AGAP1: variants seen among roughly 807,000 people sequenced by gnomAD.
The protein encoded by AGAP1 is arf-GAP with GTPase, ANK repeat and PH domain-containing protein 1.
Under a neutral mutation model 105.3 loss-of-function variants are expected in AGAP1, and 29 were observed. That is an observed-to-expected ratio of 0.28 (90% CI 0.21 to 0.38). The LOEUF is 0.38. AGAP1 is among the 10% of genes least tolerant of loss of function. The pLI, the probability that AGAP1 is intolerant of heterozygous loss-of-function variation, is 1.00. For missense variants in AGAP1, 998 were observed against 1,165.1 expected, an observed-to-expected ratio of 0.86 and a Z score of 2.09; for synonymous variants, 509 against 485.9, an observed-to-expected ratio of 1.05 and a Z score of -0.63.
chr2:235,805,631 TC>T (rs1957799815), intron 8 of AGAP1, among the ~76,000 whole-genome samples: 1 of 152,304 alleles, frequency 6.6e-6, no homozygotes, highest in East Asian at 1.9e-4. Flanking sequence ...GCTTTTCTCA[TC>T]AACTGTGATG....
chr2:236,038,783 A>G lies in AGAP1; in HGVS notation c.1801-1968A>G, dbSNP rs2057457896. 6.6e-6 allele frequency among the ~76,000 whole-genome samples: 1 copy of G among 151,258 alleles called. No homozygotes were observed. The highest frequency in any genetic ancestry group is 2.4e-5 in the African/African-American group (1 of 40,904). ...CAAACCAACCAACCACAGAAATGATACAGGTACACAGAGAGACAGAGGCAC... is the reference window on the plus strand; with the variant it reads ...CAAACCAACCAACCACAGAAATGATGCAGGTACACAGAGAGACAGAGGCAC... On this transcript the variant is annotated intron_variant, in intron 14 of 17. Coordinates refer to ENST00000304032, the MANE Select transcript of AGAP1 (RefSeq NM_001037131.3). The surrounding 1 kb of genome is among the most constrained non-coding windows in gnomAD (Gnocchi z 4.5).
intron 1 of AGAP1, among the ~76,000 whole-genome samples, chr2:235,508,677 G>A (rs1330190852): frequency 2.0e-5 from 3 of 152,130 alleles, no homozygotes; most frequent in South Asian, 2.1e-4. Context: ...ATTCACCTGC[G>A]TTTAGGAAAT....
intron 16 of AGAP1, among the ~76,000 whole-genome samples, chr2:236,086,987 T>C (rs113380529): frequency 0.016 from 2,477 of 151,970 alleles, 66 homozygotes; most frequent in African/African-American, 0.057. Flanking sequence ...AAAAAAGTTT[T>C]GGCAAACACT....
chr2:235,948,174 TTTTG>T (rs908226629), intron 12 of AGAP1, among the ~76,000 whole-genome samples: 9 of 152,242 alleles, frequency 5.9e-5, no homozygotes, highest in African/African-American at 2.2e-4. Context: ...CTGGGGTTTT[TTTTG>T]TTTGTTTGTT....
intron 12 of AGAP1, among the ~76,000 whole-genome samples, chr2:235,932,714 TA>T (rs2052779928): frequency 2.0e-5 from 3 of 152,222 alleles, no homozygotes; most frequent in Admixed American, 2.0e-4. Context: ...ACCTGTTTGA[TA>T]AAAACTCACT....
intron 1 of AGAP1, among the ~76,000 whole-genome samples, chr2:235,680,237 T>C (rs1948989381): frequency 6.6e-6 from 1 of 152,222 alleles, no homozygotes; most frequent in African/African-American, 2.4e-5. Context: ...AAATCTGCTT[T>C]GTCCGTGGAA....
At chr2:235,835,883 G>A (rs536031921) in intron 9 of AGAP1, among the ~76,000 whole-genome samples, 8 of 152,342 alleles carry the variant, frequency 5.3e-5, no homozygotes, top group East Asian at 1.9e-4. Context: ...GGCTGTCACC[G>A]TGATTATTAA....
At chr2:235,502,196 G>T (rs558214289) in intron 1 of AGAP1, among the ~76,000 whole-genome samples, 1 of 152,148 alleles carries the variant, frequency 6.6e-6, no homozygotes, top group East Asian at 1.9e-4. Context: ...GGGCTTTTCT[G>T]GTCACAAGAG....
At position 235,879,695 on chromosome 2, in the gene AGAP1, T is replaced by C. The variant is rs13398832; in HGVS notation, c.1051-3650T>C. ...TTACCCCAGCACTTCTGGGAAGCCA[T>C]GGTGGGAGGATTGCTTGAGCCCAGG... On this transcript the variant is annotated intron_variant, in intron 9 of 17. Coordinates refer to ENST00000304032, the MANE Select transcript of AGAP1 (RefSeq NM_001037131.3). The surrounding 1 kb of genome is among the most constrained non-coding windows in gnomAD (Gnocchi z 5.0). Among the ~76,000 whole-genome samples, 4,568 of 151,944 alleles carry C rather than the reference T, an allele frequency of 0.03. 218 individuals are homozygous for C. The highest frequency in any genetic ancestry group is 0.1 in the African/African-American group (4,193 of 41,420).
chr2:235,583,738 G>T (rs1328200911), intron 1 of AGAP1, among the ~76,000 whole-genome samples: 2 of 151,754 alleles, frequency 1.3e-5, no homozygotes, highest in Non-Finnish European at 2.9e-5. Context: ...CTAGCTGGGT[G>T]TGGTGGTGTG....
chr2:235,767,109 A>T (rs913420672), intron 6 of AGAP1, among the ~76,000 whole-genome samples: 2 of 152,048 alleles, frequency 1.3e-5, no homozygotes, highest in South Asian at 2.1e-4. Flanking sequence ...TGGGATTTCG[A>T]CATCTTGGCC....
At chr2:236,069,833 G>A (rs529143082) in intron 16 of AGAP1, among the ~76,000 whole-genome samples, 3 of 152,166 alleles carry the variant, frequency 2.0e-5, no homozygotes, top group Admixed American at 6.5e-5. Context: ...TAGGGGATAG[G>A]GTTCTGATTT....
At chr2:235,636,761 A>T (rs919523083) in intron 1 of AGAP1, among the ~76,000 whole-genome samples, 1 of 152,166 alleles carries the variant, frequency 6.6e-6, no homozygotes, top group African/African-American at 2.4e-5. Context: ...CAGAATGGAA[A>T]TAAGGTCGTC....
In AGAP1 at chr2:236,051,566, G is replaced by T. The variant is rs529333826; in HGVS notation, c.2114+2285G>T. On this transcript the variant is annotated intron_variant, in intron 16 of 17. Coordinates refer to ENST00000304032, the MANE Select transcript of AGAP1 (RefSeq NM_001037131.3). The surrounding 1 kb of genome is among the most constrained non-coding windows in gnomAD (Gnocchi z 5.9). Reference sequence around the variant, plus strand: ...GCAGGCTCGGCCGGGCCTGTGGGGAGGTGTGCCTGTCGGCGAGTACAGCAC... The same window carrying T: ...GCAGGCTCGGCCGGGCCTGTGGGGATGTGTGCCTGTCGGCGAGTACAGCAC... 8.5e-5 allele frequency among the ~76,000 whole-genome samples: 13 copies of T among 152,312 alleles called. No homozygotes were observed. The South Asian group carries it at 2.7e-3, about 32-fold the overall frequency.
At chr2:235,837,289 A>T (rs1285387702) in intron 9 of AGAP1, among the ~76,000 whole-genome samples, 1 of 151,704 alleles carries the variant, frequency 6.6e-6, no homozygotes, top group Non-Finnish European at 1.5e-5. Context: ...CCAGCCTTCA[A>T]GGGTTTTTTT....
intron 9 of AGAP1, among the ~76,000 whole-genome samples, chr2:235,819,758 C>T (rs1958678305): frequency 1.3e-5 from 2 of 152,052 alleles, no homozygotes; most frequent in South Asian, 2.1e-4. Context: ...CACGTGTTTC[C>T]GGATGGTGCA....
chr2:235,978,762 G>T (rs924252262), intron 13 of AGAP1, among the ~76,000 whole-genome samples: 2 of 152,102 alleles, frequency 1.3e-5, no homozygotes, highest in African/African-American at 4.8e-5. Flanking sequence ...GTCCATTTCT[G>T]CAGCACAGCA....
rs982073902 is a variant in AGAP1, at chr2:235,566,420, C to T, written c.163+71571C>T. ...AGTCAACGGCAGACTGAAGGACTGC[C>T]GCATGCATAGCTGCTATTATTAACT... On this transcript the variant is annotated intron_variant, in intron 1 of 17. Coordinates refer to ENST00000304032, the MANE Select transcript of AGAP1 (RefSeq NM_001037131.3). The surrounding 1 kb of genome is among the most constrained non-coding windows in gnomAD (Gnocchi z 5.2). Among the ~76,000 whole-genome samples, 7 of 152,104 alleles carry T rather than the reference C, an allele frequency of 4.6e-5. No individual in the cohort carries two copies. The highest frequency in any genetic ancestry group is 1.3e-4 in the Admixed American group (2 of 15,266).
rs1380797601 is a variant in AGAP1, at chr2:235,927,314, G to A, written c.1325-3451G>A. Among the ~76,000 whole-genome samples, 3 of 152,146 alleles carry A rather than the reference G, an allele frequency of 2.0e-5. No homozygotes were observed. Among genetic ancestry groups the A allele is most frequent in the African/African-American group, 4.8e-5 (2 of 41,422 alleles). On this transcript the variant is annotated intron_variant, in intron 11 of 17. Coordinates refer to ENST00000304032, the MANE Select transcript of AGAP1 (RefSeq NM_001037131.3). The surrounding 1 kb of genome is among the most constrained non-coding windows in gnomAD (Gnocchi z 4.4). ...CCAGAGGTTCCAGGTTGGTTCCTTG[G>A]GGACTCTCTCAGGAGGCAGAAGGTG...
Sources: allele counts gnomAD v4.1 joint callset (sites outside exome capture counted in the v4.1 genomes callset), GRCh38; gene constraint gnomAD v4.1.1; non-coding constraint Gnocchi (gnomAD v3.1); transcripts MANE v1.5; gene names NCBI Gene and HGNC (gene_info 2026-07-23, HGNC 2026-07-21).